PREX2: variants seen among roughly 807,000 people sequenced by gnomAD.
PREX2 encodes the protein phosphatidylinositol 3,4,5-trisphosphate-dependent Rac exchanger 2 protein.
A neutral mutation model predicts 203.2 loss-of-function variants in PREX2; 107 were observed. The ratio of observed to expected loss-of-function variants is 0.53; its 90% confidence interval spans 0.45 to 0.62. The LOEUF is 0.62. Ranked by LOEUF, PREX2 falls within the 20% of genes least tolerant of loss-of-function variation. The pLI is 0.00. For synonymous variants in PREX2, 672 were observed against 663.6 expected (o/e 1.01, Z -0.19); for missense variants, 1,777 against 1,955.9 (o/e 0.91, Z 1.72).
At chr8:67,973,349 G>A (rs941417087) in intron 1 of PREX2, among the ~76,000 whole-genome samples, 2 of 151,926 alleles carry the variant, frequency 1.3e-5, no homozygotes, top group African/African-American at 4.8e-5. Context: ...AAGGGCCTTT[G>A]GCATATCTGT....
At chr8:68,220,510 G>A (rs1412659648) in intron 38 of PREX2, among the ~76,000 whole-genome samples, 2 of 152,096 alleles carry the variant, frequency 1.3e-5, no homozygotes, top group Non-Finnish European at 2.9e-5. Context: ...CAGTATCAAA[G>A]CATCACACTG....
intron 1 of PREX2, among the ~76,000 whole-genome samples, chr8:67,968,449 G>A (rs546418646): frequency 2.0e-5 from 3 of 152,262 alleles, no homozygotes; most frequent in Admixed American, 2.0e-4. Context: ...CAAAGAAAAG[G>A]AAATAGCTTT....
intron 1 of PREX2, among the ~76,000 whole-genome samples, chr8:67,977,749 A>C (rs115678173): frequency 6.6e-6 from 1 of 152,298 alleles, no homozygotes; most frequent in South Asian, 2.1e-4. Flanking sequence ...TTGTGTCTAC[A>C]TAATGAAGCT....
At chr8:67,953,635 T>C (rs1256080245) in intron 1 of PREX2, among the ~76,000 whole-genome samples, 1 of 152,152 alleles carries the variant, frequency 6.6e-6, no homozygotes, top group Non-Finnish European at 1.5e-5. Flanking sequence ...AACTTTCTGC[T>C]TATAATCATG....
intron 1 of PREX2, among the ~76,000 whole-genome samples, chr8:67,988,766 G>T (rs1364855073): frequency 6.6e-6 from 1 of 152,138 alleles, no homozygotes; most frequent in South Asian, 2.1e-4. Context: ...AGCTTGACAG[G>T]TCACGCGTAC....
intron 14 of PREX2, among the ~76,000 whole-genome samples, chr8:68,075,556 TG>T (rs953966060): frequency 3.5e-4 from 53 of 152,304 alleles, no homozygotes; most frequent in African/African-American, 1.3e-3. Flanking sequence ...TCTGCCTCAT[TG>T]GGAATATGGA....
chr8:68,033,023 A>G (rs1383981170), intron 6 of PREX2, among the ~76,000 whole-genome samples: 4 of 152,092 alleles, frequency 2.6e-5, no homozygotes. Flanking sequence ...GTGAATTTGC[A>G]TTGTTTCTAT....
chr8:68,105,700 T>TAAGGATATATATATATATATATATATAA (rs61184621), intron 23 of PREX2: 4 of 243,130 alleles, frequency 1.6e-5, no homozygotes, highest in Admixed American at 1.4e-4. Flanking sequence ...TATATATATA[T>TAAGGATATATATATATATATATATATAA]GGATATATAT....
rs1806560650 is a variant in PREX2 at position 67,990,391 on chromosome 8, G to A, written c.142-27455G>A. Among the ~76,000 whole-genome samples, 6 of 148,224 alleles carry A rather than the reference G, an allele frequency of 4.0e-5. No individual in the cohort carries two copies. The South Asian group carries it at 1.1e-3, about 26-fold the overall frequency. On this transcript the variant is annotated intron_variant, in intron 1 of 39. Transcript: ENST00000288368. ...TCTGTGTATTAGAATCACCATGGGAGATTAAAAAAAAAAAGAACTTAGGTC... is the reference window on the plus strand; with the variant it reads ...TCTGTGTATTAGAATCACCATGGGAAATTAAAAAAAAAAAGAACTTAGGTC...
intron 13 of PREX2, among the ~76,000 whole-genome samples, chr8:68,071,478 G>C (rs1286785766): frequency 6.6e-6 from 1 of 152,190 alleles, no homozygotes; most frequent in African/African-American, 2.4e-5. Context: ...AATATAGCTA[G>C]TAATTATTAG....
chr8:68,024,249 T>A (rs530899932), intron 4 of PREX2, among the ~76,000 whole-genome samples: 1 of 152,192 alleles, frequency 6.6e-6, no homozygotes, highest in East Asian at 1.9e-4. Flanking sequence ...TTATTCATAT[T>A]GTTTAATGAT....
chr8:68,015,023 T>C (rs1023339928), intron 1 of PREX2, among the ~76,000 whole-genome samples: 3 of 152,200 alleles, frequency 2.0e-5, no homozygotes, highest in African/African-American at 7.2e-5. Context: ...AAGATGAAGA[T>C]TATCTGATTC....
chr8:68,163,588 T>C (rs1811694695), intron 35 of PREX2, among the ~76,000 whole-genome samples: 1 of 152,178 alleles, frequency 6.6e-6, no homozygotes, highest in East Asian at 1.9e-4. Context: ...AACAAAGTAT[T>C]TGCAGTTTTT....
chr8:68,227,004 T>C (rs551179416), intron 39 of PREX2, among the ~76,000 whole-genome samples: 1 of 152,332 alleles, frequency 6.6e-6, no homozygotes, highest in African/African-American at 2.4e-5. Flanking sequence ...AAGTATGATG[T>C]GAAGTGAGAC....
At chr8:68,024,179 A>T (rs1461657995) in intron 4 of PREX2, among the ~76,000 whole-genome samples, 2 of 152,068 alleles carry the variant, frequency 1.3e-5, no homozygotes, top group East Asian at 3.8e-4. Flanking sequence ...AATAATATTC[A>T]TATATATTGA....
At chr8:68,062,898 CTTG>C (rs776595316) in intron 11 of PREX2, among the ~76,000 whole-genome samples, 38 of 152,288 alleles carry the variant, frequency 2.5e-4, no homozygotes, top group Admixed American at 1.8e-3. Flanking sequence ...AAGAGCCTCA[CTTG>C]TTATTATATA....
intron 6 of PREX2, among the ~76,000 whole-genome samples, chr8:68,032,407 T>C (rs956883492): frequency 6.6e-6 from 1 of 151,996 alleles, no homozygotes; most frequent in Non-Finnish European, 1.5e-5. Flanking sequence ...AGTGGCAACA[T>C]AAATTCTACT....
At chr8:68,170,005 G>T (rs1329821478) in intron 35 of PREX2, among the ~76,000 whole-genome samples, 1 of 152,200 alleles carries the variant, frequency 6.6e-6, no homozygotes, top group Non-Finnish European at 1.5e-5. Context: ...AGAGGAGGTG[G>T]TTAAGGATGA....
At chr8:68,176,869 G>C (rs933093654) in intron 35 of PREX2, 2 of 152,116 alleles carry the variant, frequency 1.3e-5, no homozygotes, top group Non-Finnish European at 2.9e-5. Flanking sequence ...AATGCAACTG[G>C]AAGAGCCTTG....
Sources: gnomAD v4.1 joint callset for allele counts (sites outside exome capture counted in the v4.1 genomes callset) on GRCh38, gnomAD v4.1.1 for gene constraint, MANE v1.5 for transcripts, NCBI Gene and HGNC (gene_info 2026-07-23, HGNC 2026-07-21) for gene names.